KCNK13: variants seen among roughly 807,000 people sequenced by gnomAD.
The protein encoded by KCNK13 is potassium two pore domain channel subfamily K member 13, also known as potassium channel subfamily K member 13.
Under a neutral mutation model 23.4 loss-of-function variants are expected in KCNK13, and 12 were observed. That is an observed-to-expected ratio of 0.51 (90% CI 0.33 to 0.83). The LOEUF is 0.83. Among genes scored for constraint, KCNK13 ranks in the 40% least tolerant of loss-of-function variants. The probability of loss-of-function intolerance (pLI) is 0.02; values close to 1 mark genes in which losing one functional copy is unlikely to be tolerated. For synonymous variants in KCNK13, 231 were observed against 229.5 expected (o/e 1.01, Z -0.06); for missense variants, 463 against 556.3 (o/e 0.83, Z 1.69).
chr14:90,073,509 T>G (rs964409387), intron 1 of KCNK13, among the ~76,000 whole-genome samples: 2 of 152,176 alleles, frequency 1.3e-5, no homozygotes, highest in Admixed American at 1.3e-4. Context: ...TTGGGTCTTC[T>G]CTCCTTTTAA....
At chr14:90,066,122 C>A (rs1889005442) in intron 1 of KCNK13, among the ~76,000 whole-genome samples, 1 of 146,990 alleles carries the variant, frequency 6.8e-6, no homozygotes, top group African/African-American at 2.6e-5. Flanking sequence ...CACCACCAGG[C>A]CCAGCTAATT....
At position 90,184,413 on chromosome 14, in the gene KCNK13, T is replaced by G; in HGVS notation, c.637T>G (p.Ser213Ala). 6.2e-7 allele frequency: 1 copy of G among 1,614,258 alleles called. No individual in the cohort carries two copies. Among genetic ancestry groups the G allele is most frequent in the Non-Finnish European group, 8.5e-7 (1 of 1,180,048 alleles). Residue 213 changes from serine to alanine, a missense_variant, in exon 2 of 2, where the codon TCA becomes GCA. Coordinates refer to ENST00000282146, the MANE Select transcript of KCNK13 (RefSeq NM_022054.4). The surrounding 1 kb of genome is among the most constrained non-coding windows in gnomAD (Gnocchi z 5.6). The part of the protein sequence containing the change: ...TASILISCCA[S>A]AMYTPIEGWS... ...CTCCATCCTCATCTCTTGCTGCGCC[T>G]CAGCCATGTACACCCCCATTGAAGG... is the stretch of plus-strand genomic sequence containing the variant.
chr14:90,149,908 T>G (rs973192777), intron 1 of KCNK13, among the ~76,000 whole-genome samples: 1 of 152,042 alleles, frequency 6.6e-6, no homozygotes, highest in Non-Finnish European at 1.5e-5. Context: ...GTCCAGGCAT[T>G]GTGCTAGGCA....
rs1007867472 is a variant in KCNK13 at position 90,185,459 on chromosome 14, G to A, written c.*456G>A. On this transcript the variant is annotated 3_prime_UTR_variant, in exon 2 of 2. Transcript: ENST00000282146. ...AAGTGGGGAGAATGTTTGGGGATGT[G>A]TCTGGGCTTTCTTTTTGCCAGGCTT... 5.8e-5 allele frequency: 9 copies of A among 155,718 alleles called. No homozygotes were observed. Among genetic ancestry groups the A allele is most frequent in the Non-Finnish European group, 8.5e-5 (6 of 70,502 alleles). 9.6% of individuals were successfully genotyped at this position (155,718 alleles called of 1,614,324 possible). A position where few individuals can be genotyped will look rare whatever the true frequency, so the allele number is the denominator to read the frequency against.
chr14:90,066,890 T>A (rs1452415636), intron 1 of KCNK13, among the ~76,000 whole-genome samples: 1 of 152,044 alleles, frequency 6.6e-6, no homozygotes, highest in African/African-American at 2.4e-5. Flanking sequence ...ATTCACAATA[T>A]CCAAACAACC....
chr14:90,070,399 C>T (rs1339861219), intron 1 of KCNK13, among the ~76,000 whole-genome samples: 1 of 152,184 alleles, frequency 6.6e-6, no homozygotes, highest in Non-Finnish European at 1.5e-5. Context: ...TCTGAATCAA[C>T]TAATTCTTCC....
At chr14:90,069,529 CT>C (rs113406214) in intron 1 of KCNK13, among the ~76,000 whole-genome samples, 2,753 of 145,574 alleles carry the variant, frequency 0.019, 75 homozygotes, top group African/African-American at 0.063. Context: ...CTTTGGAAAT[CT>C]TTTTTTTTTT....
intron 1 of KCNK13, among the ~76,000 whole-genome samples, chr14:90,155,797 T>C (rs1232888584): frequency 2.6e-5 from 4 of 152,112 alleles, no homozygotes; most frequent in Non-Finnish European, 5.9e-5. Flanking sequence ...AGGAATTCCA[T>C]TTTGGACCTG....
chr14:90,167,812 A>G (rs1890321360), intron 1 of KCNK13, among the ~76,000 whole-genome samples: 1 of 152,188 alleles, frequency 6.6e-6, no homozygotes, highest in East Asian at 1.9e-4. Flanking sequence ...TTACAAAAAT[A>G]AACTGGGACT....
chr14:90,067,550 T>A (rs989416072), intron 1 of KCNK13, among the ~76,000 whole-genome samples: 3 of 152,210 alleles, frequency 2.0e-5, no homozygotes, highest in African/African-American at 7.2e-5. Flanking sequence ...TTGTACAACA[T>A]TGCAATTATA....
intron 1 of KCNK13, among the ~76,000 whole-genome samples, chr14:90,131,476 T>C (rs1889871119): frequency 6.6e-6 from 1 of 152,162 alleles, no homozygotes; most frequent in African/African-American, 2.4e-5. Context: ...GTGATCTGCC[T>C]GCCTCAGCCT....
intron 1 of KCNK13, among the ~76,000 whole-genome samples, chr14:90,072,437 A>G (rs1174586772): frequency 6.6e-6 from 1 of 152,154 alleles, no homozygotes; most frequent in African/African-American, 2.4e-5. Context: ...TCAGAGTCTC[A>G]CTTTGAAACA....
chr14:90,082,105 G>A (rs1209579773), intron 1 of KCNK13, among the ~76,000 whole-genome samples: 2 of 152,092 alleles, frequency 1.3e-5, no homozygotes, highest in Non-Finnish European at 2.9e-5. Flanking sequence ...TTTGTTGCCC[G>A]AGCTGGAGTG....
chr14:90,185,016 G>A lies in KCNK13; in HGVS notation c.*13G>A, dbSNP rs1039972460. The A allele has an allele frequency of 1.3e-5, 21 of 1,555,748 alleles. No individual in the cohort carries two copies. The Admixed American group carries it at 2.0e-4, about 15-fold the overall frequency. On this transcript the variant is annotated 3_prime_UTR_variant, in exon 2 of 2. Coordinates refer to ENST00000282146, the MANE Select transcript of KCNK13 (RefSeq NM_022054.4). Reference sequence around the variant, plus strand: ...TGGGGACAGGTAGAAGCCAGGAGTGGATGCTGGGCAGAGGCCAGAGTAGAA... The same window carrying A: ...TGGGGACAGGTAGAAGCCAGGAGTGAATGCTGGGCAGAGGCCAGAGTAGAA...
At chr14:90,166,799 G>T (rs938229702) in intron 1 of KCNK13, among the ~76,000 whole-genome samples, 8 of 152,164 alleles carry the variant, frequency 5.3e-5, no homozygotes, top group African/African-American at 1.9e-4. Flanking sequence ...GGCAGGGTGA[G>T]TCCTCCCCAG....
chr14:90,143,188 TTCTTTCTTTCTTTTCTTTCTTTTC>T (rs56853391), intron 1 of KCNK13, among the ~76,000 whole-genome samples: 68 of 133,676 alleles, frequency 5.1e-4, no homozygotes, highest in African/African-American at 1.8e-3. Context: ...TTCTTTTCTT[TTCTTTCTTTCTTTTCTTTCTTTTC>T]TTTTTTTTTT....
At chr14:90,122,238 G>A (rs1889747592) in intron 1 of KCNK13, among the ~76,000 whole-genome samples, 1 of 151,786 alleles carries the variant, frequency 6.6e-6, no homozygotes, top group Non-Finnish European at 1.5e-5. Context: ...TCTGTATTTA[G>A]CAGCTTTTCC....
intron 1 of KCNK13, among the ~76,000 whole-genome samples, chr14:90,104,001 G>A (rs1332199482): frequency 1.3e-5 from 2 of 152,150 alleles, no homozygotes; most frequent in Non-Finnish European, 2.9e-5. Flanking sequence ...ATACCCAGAT[G>A]TATAAGATCA....
intron 1 of KCNK13, among the ~76,000 whole-genome samples, chr14:90,130,302 C>T (rs1010791372): frequency 1.3e-5 from 2 of 151,714 alleles, no homozygotes; most frequent in African/African-American, 2.4e-5. Context: ...CAGGCTCAAG[C>T]GATTCTCCTG....
Sources: allele counts gnomAD v4.1 joint callset (sites outside exome capture counted in the v4.1 genomes callset), GRCh38; gene constraint gnomAD v4.1.1; non-coding constraint Gnocchi (gnomAD v3.1); transcripts MANE v1.5; gene names NCBI Gene and HGNC (gene_info 2026-07-23, HGNC 2026-07-21).